Variants in EFCAB13 observed in about 807,000 individuals in gnomAD.
EFCAB13 encodes EF-hand calcium binding domain 13.
A neutral mutation model predicts 110.2 loss-of-function variants in EFCAB13; 91 were observed. That is an observed-to-expected ratio of 0.83 (90% CI 0.70 to 0.98). The LOEUF (loss-of-function observed/expected upper bound fraction) is 0.98. Among genes scored for constraint, EFCAB13 ranks in the 50% least tolerant of loss-of-function variants. The pLI, the probability that EFCAB13 is intolerant of heterozygous loss-of-function variation, is 0.00. For missense variants in EFCAB13, 968 were observed against 1,119.4 expected, an observed-to-expected ratio of 0.86 and a Z score of 1.93; for synonymous variants, 323 against 369.9, an observed-to-expected ratio of 0.87 and a Z score of 1.45.
At chr17:47,394,936 T>C (rs893937228) in intron 16 of EFCAB13, among the ~76,000 whole-genome samples, 1 of 152,198 alleles carries the variant, frequency 6.6e-6, no homozygotes. Context: ...TGCATGTTTA[T>C]GTTTACTTCT....
intron 13 of EFCAB13, among the ~76,000 whole-genome samples, chr17:47,378,770 A>C (rs1192090567): frequency 6.6e-6 from 1 of 152,148 alleles, no homozygotes; most frequent in Non-Finnish European, 1.5e-5. Context: ...AGTATTGTTA[A>C]GGTGTCTTAA....
At chr17:47,420,999 G>C (rs1457293226) in intron 23 of EFCAB13, among the ~76,000 whole-genome samples, 4 of 128,950 alleles carry the variant, frequency 3.1e-5, no homozygotes, top group Admixed American at 2.9e-4. Flanking sequence ...GAGGGGGTCA[G>C]CCCCCCGTCC....
chr17:47,370,060 C>A, intron 10 of EFCAB13: 1 of 173,882 alleles, frequency 5.8e-6, no homozygotes, highest in Non-Finnish European at 1.2e-5. Context: ...ATTGGGGAAA[C>A]AAAGGAAAAA....
chr17:47,381,978 C>T (rs1347206513), intron 14 of EFCAB13, among the ~76,000 whole-genome samples: 1 of 152,184 alleles, frequency 6.6e-6, no homozygotes, highest in Non-Finnish European at 1.5e-5. Flanking sequence ...TTGATCATTC[C>T]TATCCATGAA....
intron 23 of EFCAB13, among the ~76,000 whole-genome samples, chr17:47,419,875 C>CA (rs1429595613): frequency 6.6e-6 from 1 of 151,484 alleles, no homozygotes; most frequent in Non-Finnish European, 1.5e-5. Context: ...TTAAAAAAAA[C>CA]AAAGTTCACT....
intron 24 of EFCAB13, among the ~76,000 whole-genome samples, chr17:47,433,016 G>C (rs1298020085): frequency 6.6e-6 from 1 of 152,098 alleles, no homozygotes; most frequent in Non-Finnish European, 1.5e-5. Context: ...GATTTCACTT[G>C]TTTTCACTAA....
At chr17:47,351,797 A>G (rs2065454612) in intron 9 of EFCAB13, among the ~76,000 whole-genome samples, 2 of 144,636 alleles carry the variant, frequency 1.4e-5, no homozygotes, top group Non-Finnish European at 3.0e-5. Flanking sequence ...TAGTTGTCTC[A>G]TTTGTCTTTT....
chr17:47,391,444 T>G lies in EFCAB13; in HGVS notation c.1590T>G (p.Pro530=), dbSNP rs913756569. Reference sequence around the variant, plus strand: ...ATACTCCTTTATTTTTAGCGTTGCCTGGTGTCATTAAAGCCATTGATAAAA... The same window carrying G: ...ATACTCCTTTATTTTTAGCGTTGCCGGGTGTCATTAAAGCCATTGATAAAA... ...ERSFPECNAL[P]GVIKAIDKIK... is the part of the protein sequence containing the mutation. The change falls in exon 15 of 25, where the codon CCT becomes CCG. Residue 530 remains proline, a synonymous_variant. Transcript: ENST00000331493. 1 of 1,565,272 alleles carries G rather than the reference T, an allele frequency of 6.4e-7. No individual in the cohort carries two copies. The highest frequency in any genetic ancestry group is 1.3e-5 in the South Asian group (1 of 79,728).
chr17:47,428,198 T>C (rs1179767969), intron 23 of EFCAB13, among the ~76,000 whole-genome samples: 1 of 152,038 alleles, frequency 6.6e-6, no homozygotes, highest in East Asian at 1.9e-4. Context: ...CACAGTTTTA[T>C]GTACTTTAGA....
chr17:47,427,338 C>T (rs917567483), intron 23 of EFCAB13, among the ~76,000 whole-genome samples: 4 of 151,980 alleles, frequency 2.6e-5, no homozygotes, highest in Non-Finnish European at 4.4e-5. Flanking sequence ...CTGGGTGATA[C>T]TGGAAAAATA....
chr17:47,416,492 T>C (rs1904451239), intron 23 of EFCAB13, among the ~76,000 whole-genome samples: 1 of 152,194 alleles, frequency 6.6e-6, no homozygotes, highest in Admixed American at 6.5e-5. Flanking sequence ...GGGCATATTG[T>C]GTGATGCTAA....
chr17:47,377,334 G>A (rs1371494602), intron 12 of EFCAB13, among the ~76,000 whole-genome samples: 1 of 151,994 alleles, frequency 6.6e-6, no homozygotes, highest in African/African-American at 2.4e-5. Flanking sequence ...GCTAATTTTT[G>A]TATTTTTAGT....
chr17:47,400,264 T>G (rs1218233675), intron 17 of EFCAB13, among the ~76,000 whole-genome samples: 1 of 152,216 alleles, frequency 6.6e-6, no homozygotes, highest in Non-Finnish European at 1.5e-5. Flanking sequence ...GCTCTAACTT[T>G]GCAACCTGGC....
chr17:47,395,863 G>A lies in EFCAB13; in HGVS notation c.1831G>A (p.Asp611Asn), dbSNP rs74745378. 922 of 1,607,898 alleles carry A rather than the reference G, an allele frequency of 5.7e-4. 8 individuals are homozygous for A. The East Asian group carries it at 0.018, about 32-fold the overall frequency. The change falls in exon 17 of 25, where the codon GAT becomes AAT. Residue 611 changes from aspartate to asparagine, a missense_variant. Physicochemically the swap from Asp to Asn is conservative, Grantham distance 23 (BLOSUM62 1). Coordinates refer to ENST00000331493, the MANE Select transcript of EFCAB13 (RefSeq NM_152347.5). ...VLPDAIETLD[D>N]LRKETMSVSD... ...GCCTGATGCTATTGAAACCCTCGAC[G>A]ATCTCAGAAAGGAGACGATGAGTGT...
chr17:47,353,948 G>A (rs970719973), intron 9 of EFCAB13, among the ~76,000 whole-genome samples: 3 of 151,920 alleles, frequency 2.0e-5, no homozygotes, highest in African/African-American at 7.3e-5. Context: ...TGTTTCTCTA[G>A]TACCTTGAGG....
chr17:47,367,434 C>A (rs2143337031), intron 10 of EFCAB13, among the ~76,000 whole-genome samples: 1 of 152,348 alleles, frequency 6.6e-6, no homozygotes, highest in East Asian at 1.9e-4. Context: ...CTGGTCCTGG[C>A]TTGCCCCACC....
At chr17:47,392,341 T>A (rs1277806406) in intron 15 of EFCAB13, among the ~76,000 whole-genome samples, 2 of 152,104 alleles carry the variant, frequency 1.3e-5, no homozygotes, top group East Asian at 3.8e-4. Flanking sequence ...TCAAAGCAAT[T>A]CTAATAAAAC....
At chr17:47,393,950 G>A (rs759367064) in intron 15 of EFCAB13, 75 bp from the exon 16 acceptor site, 26 of 720,244 alleles carry the variant, frequency 3.6e-5, no homozygotes, top group East Asian at 2.2e-4. Context: ...AATATATAAC[G>A]TATTTTATAT....
chr17:47,416,180 T>C (rs1317639692), intron 23 of EFCAB13, among the ~76,000 whole-genome samples: 1 of 152,182 alleles, frequency 6.6e-6, no homozygotes, highest in Non-Finnish European at 1.5e-5. Flanking sequence ...CATTCAGTGA[T>C]TTTTAGTATA....
Sources: allele counts gnomAD v4.1 joint callset (sites outside exome capture counted in the v4.1 genomes callset), GRCh38; gene constraint gnomAD v4.1.1; transcripts MANE v1.5; gene names NCBI Gene and HGNC (gene_info 2026-07-23, HGNC 2026-07-21).